Variants in C1QTNF3 observed in about 807,000 individuals in gnomAD.
The protein encoded by C1QTNF3 is complement C1q tumor necrosis factor-related protein 3.
C1QTNF3 carries 26 observed loss-of-function variants against 32.6 expected under a neutral mutation model. The observed-to-expected ratio is 0.80, with a 90% CI of 0.58 to 1.11. C1QTNF3 has a LOEUF of 1.11. Ranked by LOEUF, C1QTNF3 falls within the 50% of genes least tolerant of loss-of-function variation. C1QTNF3 has a pLI of 0.00. For synonymous variants in C1QTNF3, 155 were observed against 146.0 expected, an observed-to-expected ratio of 1.06 and a Z score of -0.44; for missense variants, 362 against 398.2, an observed-to-expected ratio of 0.91 and a Z score of 0.77.
At chr5:34,180,299 G>A in the C1QTNF3 span, among the ~76,000 whole-genome samples, 1 of 152,410 alleles carries the variant, frequency 6.6e-6, no homozygotes. Context: ...AGCCAAGATC[G>A]CAACACTGCT....
At chr5:34,040,397 C>CA (rs940923777) in intron 1 of C1QTNF3, among the ~76,000 whole-genome samples, 4 of 150,822 alleles carry the variant, frequency 2.7e-5, no homozygotes, top group African/African-American at 9.8e-5. Context: ...CCTCCTGCCC[C>CA]AAAAAAAGGG....
the C1QTNF3 span, among the ~76,000 whole-genome samples, chr5:34,173,203 G>T: frequency 6.6e-6 from 1 of 152,174 alleles, no homozygotes; most frequent in East Asian, 1.9e-4. Flanking sequence ...ACTTATATTA[G>T]ATTTCCGCAT....
At chr5:34,243,080 C>G in the C1QTNF3 span, among the ~76,000 whole-genome samples, 575 of 151,758 alleles carry the variant, frequency 3.8e-3, 5 homozygotes, top group African/African-American at 0.013. Flanking sequence ...CCACCACACA[C>G]GTTTATCTAT....
chr5:34,134,667 T>C, the C1QTNF3 span, among the ~76,000 whole-genome samples: 3 of 152,192 alleles, frequency 2.0e-5, no homozygotes, highest in Admixed American at 6.5e-5. Flanking sequence ...CCTAGGTATT[T>C]TCCTCTCTTC....
intron 1 of C1QTNF3, among the ~76,000 whole-genome samples, chr5:34,041,430 G>A (rs1487647198): frequency 2.0e-5 from 3 of 152,128 alleles, no homozygotes; most frequent in African/African-American, 7.2e-5. Flanking sequence ...TCCTCTGGGG[G>A]AATCACACTG....
the C1QTNF3 span, among the ~76,000 whole-genome samples, chr5:34,061,253 C>CT: frequency 6.6e-6 from 1 of 152,224 alleles, no homozygotes; most frequent in Non-Finnish European, 1.5e-5. Context: ...AGCTTGGCCC[C>CT]TGTGGCTTTG....
the C1QTNF3 span, among the ~76,000 whole-genome samples, chr5:34,173,664 A>G: frequency 6.8e-5 from 7 of 102,252 alleles, no homozygotes; most frequent in Non-Finnish European, 9.8e-5. Flanking sequence ...ATATACTTCT[A>G]TTGTATGGAT....
chr5:34,056,484 A>ATATATG, the C1QTNF3 span, among the ~76,000 whole-genome samples: 1 of 27,782 alleles, frequency 3.6e-5, no homozygotes, highest in East Asian at 5.1e-4. Flanking sequence ...ATATATAGAG[A>ATATATG]GAGAGAGAGA....
chr5:34,096,084 T>A, the C1QTNF3 span, among the ~76,000 whole-genome samples: 2 of 151,010 alleles, frequency 1.3e-5, no homozygotes, highest in Non-Finnish European at 3.0e-5. Context: ...TGTTTATGCA[T>A]GTTCTGAATA....
chr5:34,103,245 G>T, the C1QTNF3 span, among the ~76,000 whole-genome samples: 58 of 152,116 alleles, frequency 3.8e-4, no homozygotes, highest in African/African-American at 1.3e-3. Context: ...ACCTTTGTTA[G>T]AATAATGAAC....
chr5:34,050,455 TG>T, the C1QTNF3 span, among the ~76,000 whole-genome samples: 2 of 152,208 alleles, frequency 1.3e-5, no homozygotes, highest in African/African-American at 2.4e-5. Flanking sequence ...CACTGTTTGT[TG>T]TTATTTTTTT....
the C1QTNF3 span, among the ~76,000 whole-genome samples, chr5:34,228,893 A>G: frequency 6.6e-6 from 1 of 150,930 alleles, no homozygotes; most frequent in Non-Finnish European, 1.5e-5. Flanking sequence ...TTTGTTCACA[A>G]TTTGGCTAAA....
chr5:34,067,440 C>T, the C1QTNF3 span, among the ~76,000 whole-genome samples: 2 of 152,226 alleles, frequency 1.3e-5, no homozygotes, highest in Non-Finnish European at 2.9e-5. Context: ...TACAGTTCCA[C>T]ATGGCTGGGA....
chr5:34,116,998 T>A, the C1QTNF3 span, among the ~76,000 whole-genome samples: 1 of 152,308 alleles, frequency 6.6e-6, no homozygotes, highest in Non-Finnish European at 1.5e-5. Flanking sequence ...TTTCTGATTC[T>A]GAAGTACCTC....
At chr5:34,162,336 ATAAC>A in the C1QTNF3 span, among the ~76,000 whole-genome samples, 2 of 152,194 alleles carry the variant, frequency 1.3e-5, no homozygotes, top group Non-Finnish European at 2.9e-5. Flanking sequence ...CATTCTCATA[ATAAC>A]TAACCCACTC....
At chr5:34,160,250 C>A in the C1QTNF3 span, among the ~76,000 whole-genome samples, 2 of 152,146 alleles carry the variant, frequency 1.3e-5, no homozygotes, top group African/African-American at 4.8e-5. Flanking sequence ...GGACAGAACA[C>A]CTGTCTAACA....
the C1QTNF3 span, among the ~76,000 whole-genome samples, chr5:34,095,883 C>T: frequency 1.3e-5 from 2 of 149,944 alleles, no homozygotes; most frequent in East Asian, 2.0e-4. Context: ...GAGAATACCA[C>T]AGAGAACAAC....
the C1QTNF3 span, among the ~76,000 whole-genome samples, chr5:34,078,932 C>T: frequency 1.3e-4 from 20 of 151,660 alleles, no homozygotes; most frequent in East Asian, 3.1e-3. This position sits in a 1 kb window ranked among gnomAD's most constrained non-coding sequence, Gnocchi z 4.0. Context: ...TCTCCTTCTG[C>T]CCCAAATAGA....
intron 1 of C1QTNF3, among the ~76,000 whole-genome samples, chr5:34,038,586 C>G (rs1225715001): frequency 6.6e-6 from 1 of 152,146 alleles, no homozygotes; most frequent in Non-Finnish European, 1.5e-5. Context: ...AAGAAAGCAT[C>G]TTTCCAAAAG....
Sources: gnomAD v4.1 joint callset for allele counts (sites outside exome capture counted in the v4.1 genomes callset) on GRCh38, gnomAD v4.1.1 for gene constraint, Gnocchi (gnomAD v3.1) non-coding constraint, MANE v1.5 for transcripts, NCBI Gene and HGNC (gene_info 2026-07-23, HGNC 2026-07-21) for gene names.